Variants in BAZ1B observed in about 807,000 individuals in gnomAD.
BAZ1B encodes the protein tyrosine-protein kinase BAZ1B.
In BAZ1B, 22 loss-of-function variants were observed where a neutral mutation model predicts 153.8. The ratio of observed to expected loss-of-function variants is 0.14; its 90% CI spans 0.10 to 0.20. The LOEUF (loss-of-function observed/expected upper bound fraction) is 0.20, where lower values mean the gene tolerates loss of function less well. Among genes scored for constraint, BAZ1B ranks in the 10% least tolerant of loss-of-function variants. BAZ1B has a pLI of 1.00. For missense variants in BAZ1B, 1,325 were observed against 1,799.3 expected, an observed-to-expected ratio of 0.74 and a Z score of 4.77; for synonymous variants, 676 against 633.4, an observed-to-expected ratio of 1.07 and a Z score of -1.01.
chr7:73,492,700 A>G (rs1789700545), intron 5 of BAZ1B, 100 bp downstream of exon 5: 1 of 1,237,998 alleles, frequency 8.1e-7, no homozygotes, highest in Non-Finnish European at 1.1e-6. Flanking sequence ...CTGTACATTC[A>G]TTTACATTTT....
intron 1 of BAZ1B, among the ~76,000 whole-genome samples, chr7:73,518,749 G>A (rs1156848752): frequency 2.6e-5 from 4 of 152,176 alleles, no homozygotes; most frequent in Non-Finnish European, 4.4e-5. Context: ...AGTCACACTT[G>A]TGTAGAGCCA....
Position 73,478,079 on chromosome 7 carries a change from G to C in BAZ1B, c.1382C>G (p.Pro461Arg). The C allele has an allele frequency of 6.2e-7, 1 of 1,614,172 alleles. No homozygotes were observed. Among genetic ancestry groups the C allele is most frequent in the East Asian group, 2.2e-5 (1 of 44,886 alleles). Residue 461 changes from proline to arginine, a missense_variant, in exon 7 of 20, where the codon CCT becomes CGT. Pro to Arg is a moderately radical substitution (Grantham distance 103). Around this residue, in one of 9 missense-constraint regions of BAZ1B, gnomAD observed 219 missense variants for 248.2 expected, o/e 0.88. Coordinates refer to ENST00000339594, the MANE Select transcript of BAZ1B (RefSeq NM_032408.4). ...TTTATGAGGTTTACTAGAGGTCCTA[G>C]GTGTACCCCCAGAATTCCGTGGGGC... Reference protein sequence around the residue: ...TRAPRNSGGTPRTSSKPHKHL... With the variant: ...TRAPRNSGGTRRTSSKPHKHL...
chr7:73,457,432 C>T (rs189162584), intron 13 of BAZ1B, among the ~76,000 whole-genome samples: 23 of 152,274 alleles, frequency 1.5e-4, no homozygotes, highest in Admixed American at 1.4e-3. Flanking sequence ...CCCACCTCAG[C>T]CTCCCAAAGT....
At chr7:73,453,611 G>T (rs1019004141) in intron 13 of BAZ1B, among the ~76,000 whole-genome samples, 5 of 152,210 alleles carry the variant, frequency 3.3e-5, no homozygotes, top group Non-Finnish European at 7.3e-5. Flanking sequence ...AATGAGAAGA[G>T]ATTTAGCTAA....
chr7:73,461,433 A>G (rs1788392955), intron 12 of BAZ1B, among the ~76,000 whole-genome samples: 1 of 152,238 alleles, frequency 6.6e-6, no homozygotes, highest in Non-Finnish European at 1.5e-5. Context: ...ATGACAACCT[A>G]ACGTCAGCAA....
At chr7:73,476,216 T>C (rs1788993448) in intron 7 of BAZ1B, among the ~76,000 whole-genome samples, 1 of 152,122 alleles carries the variant, frequency 6.6e-6, no homozygotes, top group African/African-American at 2.4e-5. Context: ...ATGATAAAAA[T>C]GTTACAAAAT....
intron 6 of BAZ1B, among the ~76,000 whole-genome samples, chr7:73,483,822 T>C (rs1404854455): frequency 6.6e-6 from 1 of 152,090 alleles, no homozygotes; most frequent in East Asian, 1.9e-4. Flanking sequence ...TTTGTGTATG[T>C]AGAAACAGGG....
chr7:73,466,653 T>C (rs1210651589), intron 9 of BAZ1B, among the ~76,000 whole-genome samples: 3 of 152,180 alleles, frequency 2.0e-5, no homozygotes, highest in African/African-American at 7.2e-5. Flanking sequence ...GTACTGCAAC[T>C]TAGAATGAAG....
At chr7:73,459,088 A>C (rs1189548983) in intron 13 of BAZ1B, among the ~76,000 whole-genome samples, 1 of 151,944 alleles carries the variant, frequency 6.6e-6, no homozygotes, top group Non-Finnish European at 1.5e-5. Context: ...CTCTACTAAA[A>C]AATACAAAAA....
At chr7:73,508,115 A>G (rs1231234399) in intron 3 of BAZ1B, among the ~76,000 whole-genome samples, 1 of 152,196 alleles carries the variant, frequency 6.6e-6, no homozygotes. Context: ...AAGATTGCGC[A>G]CTGCACTCCA....
At chr7:73,444,189 C>T (rs939214542) in intron 16 of BAZ1B, 60 bp from the exon 17 acceptor site, 10 of 1,493,030 alleles carry the variant, frequency 6.7e-6, no homozygotes, top group African/African-American at 2.8e-5. Flanking sequence ...GGAGCATCTT[C>T]GAAATGGGGG....
chr7:73,478,013 T>C lies in BAZ1B; in HGVS notation c.1448A>G (p.Lys483Arg). ...CTTGTCCTCCCTGTCTTTGTTTTCT[T>C]TGTAGTATGCAATGAGGTGTAGGGC... ...PAALHLIAYY[K>R]ENKDREDKRS... is the part of the protein sequence containing the mutation. Residue 483 changes from lysine to arginine, a missense_variant, in exon 7 of 20, where the codon AAA becomes AGA. By Grantham distance (26) the Lys-to-Arg change is conservative. Transcript: ENST00000339594. 2 of 1,614,034 alleles carry C rather than the reference T, an allele frequency of 1.2e-6. No homozygotes were observed. The highest frequency in any genetic ancestry group is 8.5e-7 in the Non-Finnish European group (1 of 1,180,000).
At chr7:73,502,411 T>C (rs1294356623) in intron 3 of BAZ1B, among the ~76,000 whole-genome samples, 1 of 152,048 alleles carries the variant, frequency 6.6e-6, no homozygotes, top group African/African-American at 2.4e-5. Context: ...AATGAACACC[T>C]GTGTACCCAC....
intron 3 of BAZ1B, 61 bp from the exon 4 acceptor site, chr7:73,498,759 TA>T (rs1583939105): frequency 1.4e-6 from 2 of 1,453,926 alleles, no homozygotes; most frequent in Admixed American, 1.7e-5. Flanking sequence ...TGAAGATGTT[TA>T]GAACATATCA....
chr7:73,493,215 C>G (rs1376021040), intron 4 of BAZ1B, among the ~76,000 whole-genome samples: 1 of 152,190 alleles, frequency 6.6e-6, no homozygotes, highest in African/African-American at 2.4e-5. Context: ...AATCCCAGCA[C>G]TTTGGGAGGC....
At chr7:73,503,379 C>CA (rs1790212698) in intron 3 of BAZ1B, among the ~76,000 whole-genome samples, 1 of 151,748 alleles carries the variant, frequency 6.6e-6, no homozygotes, top group Non-Finnish European at 1.5e-5. Context: ...TCCCTTTCCT[C>CA]TTTTTTTTGT....
In BAZ1B at chr7:73,442,346, C is replaced by T. The variant is rs1178978; in HGVS notation, c.4302G>A (p.Gln1434=). 2.3e-3 allele frequency: 3,711 copies of T among 1,614,224 alleles called. 86 individuals carry two copies. The African/African-American group carries it at 0.044, about 19-fold the overall frequency. ...GTTTATGCAACAGAGCCACTAGACA[C>T]TGTTCTGTCTTCACCATGCAGCTTA... ...HVLSCMVKTE[Q]CLVALLHKHL... The change falls in exon 19 of 20, where the codon CAG becomes CAA. Residue 1434 remains glutamine (Q), a synonymous_variant. Transcript: ENST00000339594.
At chr7:73,489,015 T>C (rs967051079) in intron 6 of BAZ1B, among the ~76,000 whole-genome samples, 179 bp downstream of exon 6, 4 of 152,224 alleles carry the variant, frequency 2.6e-5, no homozygotes, top group South Asian at 2.1e-4. Context: ...AGATATTAAA[T>C]GTGGCCTCTC....
chr7:73,463,225 GTTTTTTC>G (rs1471059830), intron 11 of BAZ1B, 126 bp from the exon 12 acceptor site: 36 of 687,164 alleles, frequency 5.2e-5, no homozygotes, highest in Middle Eastern at 3.1e-4. Context: ...TCTCCCTGGT[GTTTTTTC>G]TTTTTTCTTT....
Sources: allele counts gnomAD v4.1 joint callset (sites outside exome capture counted in the v4.1 genomes callset), GRCh38; gene constraint gnomAD v4.1.1; regional missense constraint gnomAD v4.1.1; transcripts MANE v1.5; gene names NCBI Gene and HGNC (gene_info 2026-07-23, HGNC 2026-07-21).